Variants in METTL15 observed in about 807,000 individuals in gnomAD.
METTL15 encodes 12S rRNA N(4)-cytidine methyltransferase METTL15.
METTL15 carries 34 observed loss-of-function variants against 38.3 expected under a neutral mutation model. The observed-to-expected ratio is 0.89, with a 90% CI of 0.68 to 1.18. The LOEUF is 1.18. Among genes scored for constraint, METTL15 ranks in the 50% most tolerant of loss-of-function variants. METTL15 has a pLI of 0.00. For missense variants in METTL15, 438 were observed against 498.4 expected (o/e 0.88, Z 1.15); for synonymous variants, 162 against 170.9 (o/e 0.95, Z 0.41).
intron 4 of METTL15, among the ~76,000 whole-genome samples, chr11:28,266,432 C>T (rs993111649): frequency 7.2e-5 from 11 of 152,080 alleles, no homozygotes; most frequent in Non-Finnish European, 1.3e-4. Flanking sequence ...AGCTGGAAAC[C>T]GTCATTCTCA....
intron 4 of METTL15, among the ~76,000 whole-genome samples, chr11:28,238,266 G>A (rs1249704577): frequency 1.3e-5 from 2 of 152,280 alleles, no homozygotes; most frequent in East Asian, 3.9e-4. Flanking sequence ...CACCCAGTGC[G>A]AGCTTCCCGG....
intron 5 of METTL15, among the ~76,000 whole-genome samples, chr11:28,395,738 T>G (rs373497751): frequency 2.8e-4 from 42 of 152,284 alleles, no homozygotes; most frequent in African/African-American, 9.1e-4. Context: ...CCTCCGTAAC[T>G]CATTTTATGA....
At chr11:28,227,590 G>A (rs1853532757) in intron 4 of METTL15, among the ~76,000 whole-genome samples, 1 of 151,862 alleles carries the variant, frequency 6.6e-6, no homozygotes, top group South Asian at 2.1e-4. Flanking sequence ...GTGAATGGAT[G>A]ATAGAAAGGG....
Position 28,350,423 on chromosome 11 carries a change from A to T in METTL15, c.*190-1667A>T, listed in dbSNP as rs150844522. On this transcript the variant is annotated intron_variant and NMD_transcript_variant, in intron 3 of 7. Coordinates refer to the METTL15 transcript ENST00000532947. ...GTTTTATTACAAAATTACATCTGGC[A>T]TTAACAAAACAAAAAGGTCACCCAT... 6.7e-4 allele frequency among the ~76,000 whole-genome samples: 102 copies of T among 152,352 alleles called. No individual in the cohort carries two copies. The Middle Eastern group carries it at 0.017, about 25-fold the overall frequency.
At chr11:28,525,982 A>G (rs1270276528) in intron 6 of METTL15, among the ~76,000 whole-genome samples, 1 of 152,200 alleles carries the variant, frequency 6.6e-6, no homozygotes, top group Admixed American at 6.5e-5. Context: ...GAAATTGAGC[A>G]CAGCGCTGGT....
chr11:28,229,679 G>A (rs996624235), intron 4 of METTL15, among the ~76,000 whole-genome samples: 1 of 151,896 alleles, frequency 6.6e-6, no homozygotes, highest in Non-Finnish European at 1.5e-5. Context: ...GAATCTGCTG[G>A]CATTTTGATC....
At chr11:28,135,906 T>C (rs1849499047) in intron 3 of METTL15, among the ~76,000 whole-genome samples, 1 of 152,204 alleles carries the variant, frequency 6.6e-6, no homozygotes, top group African/African-American at 2.4e-5. Flanking sequence ...CAGTTTTCTG[T>C]TAGTTCAGTC....
At chr11:28,109,112 C>A (rs1851609030) in intron 1 of METTL15, among the ~76,000 whole-genome samples, 1 of 152,122 alleles carries the variant, frequency 6.6e-6, no homozygotes, top group African/African-American at 2.4e-5. Flanking sequence ...TAGGATGACT[C>A]ATACCCATGC....
At chr11:28,219,656 G>A (rs888176735) in intron 4 of METTL15, among the ~76,000 whole-genome samples, 1 of 152,010 alleles carries the variant, frequency 6.6e-6, no homozygotes, top group Non-Finnish European at 1.5e-5. Flanking sequence ...TGATGTTAGG[G>A]TGTGAATTTC....
At chr11:28,283,535 C>T (rs551904540) in intron 4 of METTL15, among the ~76,000 whole-genome samples, 3 of 152,166 alleles carry the variant, frequency 2.0e-5, no homozygotes, top group Non-Finnish European at 2.9e-5. Flanking sequence ...CTAATAAGTA[C>T]ACAGTGAATG....
At chr11:28,293,732 T>G (rs1204421999) in intron 5 of METTL15, among the ~76,000 whole-genome samples, 1 of 152,200 alleles carries the variant, frequency 6.6e-6, no homozygotes, top group Non-Finnish European at 1.5e-5. Flanking sequence ...TTTATTTCAT[T>G]GAGCAGTGGT....
chr11:28,221,859 A>AGAACAGCAAATATTGGT, intron 4 of METTL15, among the ~76,000 whole-genome samples: 2 of 152,302 alleles, frequency 1.3e-5, no homozygotes, highest in Middle Eastern at 6.8e-3. Flanking sequence ...AGGTGGCTGT[A>AGAACAGCAAATATTGGT]GAACAGCAAA....
chr11:28,235,099 A>C (rs1377004379), intron 4 of METTL15, among the ~76,000 whole-genome samples: 2 of 152,288 alleles, frequency 1.3e-5, no homozygotes, highest in East Asian at 3.9e-4. Flanking sequence ...CAGGTTTGTC[A>C]AATATCAGAT....
intron 6 of METTL15, among the ~76,000 whole-genome samples, chr11:28,505,754 GT>G (rs946646284): frequency 3.3e-5 from 5 of 152,172 alleles, no homozygotes; most frequent in African/African-American, 1.2e-4. Flanking sequence ...GAATTTCACT[GT>G]TTGGGTGGAT....
At chr11:28,376,048 C>G (rs1010747669) in intron 5 of METTL15, among the ~76,000 whole-genome samples, 16 of 152,008 alleles carry the variant, frequency 1.1e-4, no homozygotes, top group African/African-American at 3.6e-4. Context: ...GTTATAATTT[C>G]TGTTCTTTTA....
intron 3 of METTL15, among the ~76,000 whole-genome samples, chr11:28,342,470 C>T (rs1368823411): frequency 7.3e-5 from 11 of 151,550 alleles, no homozygotes; most frequent in South Asian, 2.1e-4. Flanking sequence ...TCTATGTTGC[C>T]CAGCCTGGTC....
intron 4 of METTL15, among the ~76,000 whole-genome samples, chr11:28,233,630 G>C (rs919006679): frequency 6.6e-6 from 1 of 151,902 alleles, no homozygotes; most frequent in Admixed American, 6.6e-5. Flanking sequence ...TGAAATAAAT[G>C]CTAATTATTG....
intron 5 of METTL15, among the ~76,000 whole-genome samples, chr11:28,293,825 A>T (rs1311761190): frequency 1.3e-5 from 2 of 152,098 alleles, no homozygotes; most frequent in African/African-American, 4.8e-5. Context: ...GCAATTGTGA[A>T]TGGGAGTTCA....
intron 4 of METTL15, among the ~76,000 whole-genome samples, chr11:28,263,065 C>T (rs997418916): frequency 4.6e-5 from 7 of 151,776 alleles, no homozygotes; most frequent in South Asian, 2.1e-4. Context: ...GATTTCCAAA[C>T]GCTTTACTTC....
Sources: gnomAD v4.1 joint callset for allele counts (sites outside exome capture counted in the v4.1 genomes callset) on GRCh38, gnomAD v4.1.1 for gene constraint, MANE v1.5 for transcripts, NCBI Gene and HGNC (gene_info 2026-07-23, HGNC 2026-07-21) for gene names.